PHF21B: variants seen among roughly 807,000 people sequenced by gnomAD.
The protein encoded by PHF21B is PHD finger protein 21B.
A neutral mutation model predicts 62.2 loss-of-function variants in PHF21B; 22 were observed. That is an observed-to-expected ratio of 0.35 (90% CI 0.25 to 0.51). PHF21B has a LOEUF of 0.51. Among genes scored for constraint, PHF21B ranks in the 20% least tolerant of loss-of-function variants. The pLI, the probability that PHF21B is intolerant of heterozygous loss-of-function variation, is 0.97. For missense variants in PHF21B, 701 were observed against 707.9 expected (o/e 0.99, Z 0.11); for synonymous variants, 341 against 314.7 (o/e 1.08, Z -0.88).
chr22:44,950,427 T>C (rs1238191073), intron 2 of PHF21B, among the ~76,000 whole-genome samples: 7 of 152,214 alleles, frequency 4.6e-5, no homozygotes, highest in African/African-American at 7.2e-5. Context: ...CAGATGTCCT[T>C]AGCAGCAGCA....
chr22:44,992,782 G>A (rs966830543), intron 2 of PHF21B, among the ~76,000 whole-genome samples: 2 of 152,144 alleles, frequency 1.3e-5, no homozygotes, highest in South Asian at 2.1e-4. Flanking sequence ...CGGGAGTGGC[G>A]ACCTGACGCT....
intron 2 of PHF21B, among the ~76,000 whole-genome samples, chr22:44,947,354 C>T (rs1444518446): frequency 6.6e-6 from 1 of 152,220 alleles, no homozygotes; most frequent in African/African-American, 2.4e-5. Context: ...TGTTTTTAAG[C>T]AGACCGACGC....
intron 2 of PHF21B, chr22:44,967,039 G>C (rs1317212564): frequency 1.3e-5 from 2 of 152,034 alleles, no homozygotes; most frequent in African/African-American, 4.8e-5. Flanking sequence ...AAGAAAACAC[G>C]ATTCTCTTTC....
At chr22:44,940,076 T>G (rs2147361040) in intron 2 of PHF21B, among the ~76,000 whole-genome samples, 1 of 152,210 alleles carries the variant, frequency 6.6e-6, no homozygotes, top group Middle Eastern at 3.4e-3. Flanking sequence ...GGGCCTCAGT[T>G]TCCCCTTCTG....
intron 2 of PHF21B, among the ~76,000 whole-genome samples, chr22:44,999,103 G>A (rs1056660243): frequency 7.2e-5 from 11 of 152,208 alleles, no homozygotes; most frequent in African/African-American, 2.4e-4. Flanking sequence ...AGGGATGCCC[G>A]CTGTTGGCAG....
At chr22:44,941,555 G>A (rs900648903) in intron 2 of PHF21B, among the ~76,000 whole-genome samples, 1 of 152,208 alleles carries the variant, frequency 6.6e-6, no homozygotes, top group African/African-American at 2.4e-5. Context: ...CAGCTGGATC[G>A]CTTTGTTCCT....
At chr22:44,886,871 C>T (rs564532026) in intron 10 of PHF21B, among the ~76,000 whole-genome samples, 4 of 152,114 alleles carry the variant, frequency 2.6e-5, no homozygotes, top group East Asian at 1.9e-4. Context: ...TTAAAACTCC[C>T]GGCCTGGGTG....
intron 2 of PHF21B, among the ~76,000 whole-genome samples, chr22:44,997,947 G>A (rs738624): frequency 0.034 from 5,195 of 151,802 alleles, 113 homozygotes; most frequent in Middle Eastern, 0.065. Context: ...TGACTCTTCC[G>A]TAACAAGCCC....
intron 1 of PHF21B, chr22:45,008,912 G>A (rs2073376294): frequency 5.2e-6 from 6 of 1,151,732 alleles, no homozygotes; most frequent in African/African-American, 1.6e-5. Context: ...GTGAGTGTGA[G>A]TGTGAGTGTG....
At chr22:44,963,934 C>T (rs1484779639) in intron 2 of PHF21B, among the ~76,000 whole-genome samples, 1 of 152,216 alleles carries the variant, frequency 6.6e-6, no homozygotes, top group Non-Finnish European at 1.5e-5. Context: ...TGAATCAAAG[C>T]CTGGCACACA....
chr22:44,905,659 C>T (rs2071236567), intron 5 of PHF21B, among the ~76,000 whole-genome samples: 3 of 152,026 alleles, frequency 2.0e-5, no homozygotes, highest in African/African-American at 4.8e-5. Flanking sequence ...TACGGAATCT[C>T]GCTCGGTCAC....
At chr22:44,895,920 C>T in intron 6 of PHF21B, 112 bp downstream of exon 6, 1 of 1,145,900 alleles carries the variant, frequency 8.7e-7, no homozygotes, top group South Asian at 1.2e-5. Flanking sequence ...CACGCTCCAC[C>T]CATATCGGCT....
chr22:44,955,476 A>G (rs2072277374), intron 2 of PHF21B, among the ~76,000 whole-genome samples: 1 of 152,204 alleles, frequency 6.6e-6, no homozygotes, highest in South Asian at 2.1e-4. Context: ...AGATCAGCAT[A>G]TGGGTAGGTA....
In PHF21B at chr22:44,882,184, G is replaced by A. The variant is rs2070751489; in HGVS notation, c.*902C>T. On this transcript the variant is annotated 3_prime_UTR_variant, in exon 13 of 13. Transcript: ENST00000313237. Reference sequence around the variant, plus strand: ...AATACTTATCGGCTCTTCCAAAGGAGACAAGAAAGGGCTTCAGTCGTTAAG... The same window carrying A: ...AATACTTATCGGCTCTTCCAAAGGAAACAAGAAAGGGCTTCAGTCGTTAAG... 1 of 152,682 alleles carries A rather than the reference G, an allele frequency of 6.5e-6. No individual in the cohort carries two copies. Among genetic ancestry groups the A allele is most frequent in the Admixed American group, 6.5e-5 (1 of 15,284 alleles). 9.5% of individuals were successfully genotyped at this position (152,682 alleles called of 1,614,324 possible).
chr22:44,978,262 T>G lies in PHF21B; in HGVS notation c.120+30283A>C, dbSNP rs566134317. Among the ~76,000 whole-genome samples the G allele has an allele frequency of 1.2e-4, 18 of 152,314 alleles. No homozygotes were observed. In the South Asian group the frequency reaches 3.5e-3, roughly 30 times the overall value. On this transcript the variant is annotated intron_variant, in intron 2 of 12. Transcript: ENST00000313237. ...CCCACTTCCCACCCAGCAGCACTCC[T>G]CACACCCAGGAGCCCCCAACACCGT...
At chr22:44,953,284 A>G (rs183785057) in intron 2 of PHF21B, among the ~76,000 whole-genome samples, 59 of 151,980 alleles carry the variant, frequency 3.9e-4, no homozygotes, top group Non-Finnish European at 3.5e-4. Flanking sequence ...TTAAGCAGAA[A>G]CTCAACCCAT....
At position 44,914,048 on chromosome 22, in the gene PHF21B, T is replaced by C. The variant is rs765463160; in HGVS notation, c.605A>G (p.His202Arg). The change falls in exon 5 of 13, where the codon CAT (histidine) becomes CGT (arginine). Residue 202 changes from histidine (H) to arginine (R), a missense_variant. Physicochemically the swap from His to Arg is conservative, Grantham distance 29. Coordinates refer to ENST00000313237, the MANE Select transcript of PHF21B (RefSeq NM_138415.5). ...RLLSSPHPAT[H>R]HCPLHPSSLP... ...AGAGGAGGGGTGGAGGGGACAGTGA[T>C]GGGTTGCGGGGTGAGGGGAAGAGAG... The C allele has an allele frequency of 1.6e-5, 15 of 911,504 alleles. No homozygotes were observed. The highest frequency in any genetic ancestry group is 2.3e-5 in the Non-Finnish European group (15 of 660,448). The allele number at this position is 911,504 out of a possible 1,614,324, so 56.5% of individuals were successfully genotyped here.
intron 2 of PHF21B, among the ~76,000 whole-genome samples, chr22:44,928,470 C>T (rs1299967991): frequency 6.6e-6 from 1 of 152,156 alleles, no homozygotes; most frequent in Admixed American, 6.5e-5. Context: ...AGTGCAATAG[C>T]GTGATCTTGG....
intron 2 of PHF21B, among the ~76,000 whole-genome samples, chr22:44,962,354 T>C (rs905308400): frequency 2.8e-4 from 43 of 152,202 alleles, no homozygotes; most frequent in Admixed American, 3.9e-4. Context: ...ATATCCTAAG[T>C]TGAAAATACA....
Sources: gnomAD v4.1 joint callset for allele counts (sites outside exome capture counted in the v4.1 genomes callset) on GRCh38, gnomAD v4.1.1 for gene constraint, MANE v1.5 for transcripts, NCBI Gene and HGNC (gene_info 2026-07-23, HGNC 2026-07-21) for gene names.